The following PEAK1 variants were observed in gnomAD, a reference collection of about 807,000 sequenced individuals.
The protein encoded by PEAK1 is inactive tyrosine-protein kinase PEAK1.
In PEAK1, 54 loss-of-function variants were observed where a neutral mutation model predicts 124.7. The ratio of observed to expected loss-of-function variants is 0.43; its 90% CI spans 0.35 to 0.54. PEAK1 has a LOEUF of 0.54. Among genes scored for constraint, PEAK1 ranks in the 20% least tolerant of loss-of-function variants. The probability of loss-of-function intolerance (pLI) is 0.01; values close to 1 mark genes in which losing one functional copy is unlikely to be tolerated. For missense variants in PEAK1, 2,046 were observed against 2,134.5 expected (o/e 0.96, Z 0.82); for synonymous variants, 719 against 760.0 (o/e 0.95, Z 0.89).
chr15:77,254,194 T>C (rs887627682), intron 5 of PEAK1, among the ~76,000 whole-genome samples: 4 of 152,148 alleles, frequency 2.6e-5, no homozygotes, highest in Non-Finnish European at 4.4e-5. Context: ...ACTTGGAGTT[T>C]ACTGACCTTC....
At chr15:77,336,343 CA>C (rs1276019703) in intron 2 of PEAK1, 3 of 985,294 alleles carry the variant, frequency 3.0e-6, no homozygotes, top group Non-Finnish European at 3.6e-6. Context: ...CATATTCTCT[CA>C]CCAAAAAGCT....
chr15:77,123,648 T>C (rs1409951653), intron 9 of PEAK1, among the ~76,000 whole-genome samples: 3 of 152,276 alleles, frequency 2.0e-5, no homozygotes, highest in Non-Finnish European at 2.9e-5. Flanking sequence ...GATTTAGATA[T>C]GAGGATTTAG....
intron 9 of PEAK1, among the ~76,000 whole-genome samples, chr15:77,117,167 C>T (rs2051463686): frequency 6.6e-6 from 1 of 152,152 alleles, no homozygotes; most frequent in African/African-American, 2.4e-5. Context: ...TCAAGGGTCT[C>T]AACTCTTCAT....
chr15:77,351,710 T>C, intron 2 of PEAK1: 2 of 983,616 alleles, frequency 2.0e-6, no homozygotes, highest in African/African-American at 1.7e-5. Context: ...GCCAAGAACC[T>C]GGACACCCTC....
exon 7 of PEAK1, chr15:77,101,523 A>G (rs1331646648): frequency 3.3e-5 from 5 of 152,216 alleles, no homozygotes; most frequent in Non-Finnish European, 7.3e-5. Context: ...TACACTTGCT[A>G]GACTGTGTCC....
Position 77,221,416 on chromosome 15 carries a change from C to A in PEAK1, c.-115+30951G>T, listed in dbSNP as rs2059385760. ...ATTAAATGTCTTCATCATTTGTGAGCAGCCAGATGGTTGGTAATACGTGTA... is the reference window on the plus strand; with the variant it reads ...ATTAAATGTCTTCATCATTTGTGAGAAGCCAGATGGTTGGTAATACGTGTA... On this transcript the variant is annotated intron_variant, in intron 6 of 9. Transcript: ENST00000682557. Among the ~76,000 whole-genome samples, 3 of 152,180 alleles carry A rather than the reference C, an allele frequency of 2.0e-5. No individual in the cohort carries two copies. In the South Asian group the frequency reaches 6.2e-4, roughly 32 times the overall value.
intron 6 of PEAK1, among the ~76,000 whole-genome samples, chr15:77,202,936 C>G (rs1018925580): frequency 2.0e-5 from 3 of 150,674 alleles, no homozygotes; most frequent in Non-Finnish European, 4.4e-5. Context: ...ACTTGGTAGG[C>G]TGAGGTGGGA....
intron 6 of PEAK1, among the ~76,000 whole-genome samples, chr15:77,202,610 AT>A (rs1212863722): frequency 1.6e-4 from 24 of 151,682 alleles, no homozygotes; most frequent in South Asian, 4.2e-4. Context: ...ACTAAAAAAA[AT>A]AAAAAAAAAA....
chr15:77,265,787 C>T (rs553983286), intron 5 of PEAK1, among the ~76,000 whole-genome samples: 42 of 152,090 alleles, frequency 2.8e-4, no homozygotes, highest in African/African-American at 9.9e-4. Flanking sequence ...AATCATGCTG[C>T]TATAAAGACA....
intron 9 of PEAK1, among the ~76,000 whole-genome samples, chr15:77,119,050 G>GTGCAGCAGGAGAACAATAC (rs60141467): frequency 6.6e-6 from 1 of 151,346 alleles, no homozygotes; most frequent in Non-Finnish European, 1.5e-5. Flanking sequence ...AAACCAGGCT[G>GTGCAGCAGGAGAACAATAC]CTGAAGGTTG....
chr15:77,178,345 T>C (rs1232691600), intron 7 of PEAK1: 1 of 163,584 alleles, frequency 6.1e-6, no homozygotes, highest in African/African-American at 2.4e-5. Context: ...AAATAAGTAA[T>C]GCATATAGAG....
intron 5 of PEAK1, among the ~76,000 whole-genome samples, chr15:77,262,914 C>T (rs2061517394): frequency 1.3e-5 from 2 of 152,294 alleles, no homozygotes; most frequent in South Asian, 4.1e-4. Flanking sequence ...TCTCAGGCCA[C>T]AGTACAATCA....
At chr15:77,144,248 C>T (rs1157203621) in intron 8 of PEAK1, among the ~76,000 whole-genome samples, 2 of 152,202 alleles carry the variant, frequency 1.3e-5, no homozygotes, top group African/African-American at 2.4e-5. Context: ...ATCAACCCTT[C>T]CTATGAATCA....
chr15:77,248,188 C>T (rs774424023), intron 6 of PEAK1, among the ~76,000 whole-genome samples: 1 of 152,012 alleles, frequency 6.6e-6, no homozygotes, highest in Non-Finnish European at 1.5e-5. Context: ...TGAACCACTG[C>T]ACCTGGCCAA....
chr15:77,206,730 C>CTT (rs1188635187), intron 6 of PEAK1, among the ~76,000 whole-genome samples: 2 of 151,566 alleles, frequency 1.3e-5, no homozygotes, highest in African/African-American at 2.4e-5. Flanking sequence ...GATATTAGCC[C>CTT]TTTGTCAGAC....
intron 2 of PEAK1, among the ~76,000 whole-genome samples, chr15:77,293,027 T>G (rs2063302850): frequency 6.6e-6 from 1 of 152,174 alleles, no homozygotes; most frequent in African/African-American, 2.4e-5. Flanking sequence ...TTCTGCTGTA[T>G]TACTCTAATC....
intron 5 of PEAK1, among the ~76,000 whole-genome samples, chr15:77,276,474 A>G (rs1567201152): frequency 6.6e-6 from 1 of 152,202 alleles, no homozygotes; most frequent in East Asian, 1.9e-4. Context: ...TTGTTAACTC[A>G]GAGTTCTTTA....
intron 9 of PEAK1, among the ~76,000 whole-genome samples, chr15:77,132,466 G>C (rs377237703): frequency 1.6e-4 from 25 of 152,034 alleles, no homozygotes; most frequent in African/African-American, 5.3e-4. Context: ...AGGCCAAGGC[G>C]GGAGGATCAC....
intron 5 of PEAK1, among the ~76,000 whole-genome samples, chr15:77,264,099 G>A (rs965953861): frequency 9.9e-5 from 15 of 152,102 alleles, no homozygotes; most frequent in African/African-American, 3.1e-4. Context: ...TTGATGGGAC[G>A]TATCTCAAAA....
Sources: allele counts gnomAD v4.1 joint callset (sites outside exome capture counted in the v4.1 genomes callset), GRCh38; gene constraint gnomAD v4.1.1; transcripts MANE v1.5; gene names NCBI Gene and HGNC (gene_info 2026-07-23, HGNC 2026-07-21).